TMEM183A: variants seen among roughly 807,000 people sequenced by gnomAD.
The protein encoded by TMEM183A is chromosome 1 open reading frame 37.
In TMEM183A, 21 loss-of-function variants were observed where a neutral mutation model predicts 46.7. The observed-to-expected ratio is 0.45, with a 90% CI of 0.32 to 0.65. The LOEUF is 0.65. TMEM183A is among the 30% of genes least tolerant of loss of function. The pLI is 0.04. For missense variants in TMEM183A, 331 were observed against 481.9 expected (o/e 0.69, Z 2.93); for synonymous variants, 165 against 180.2 (o/e 0.92, Z 0.68).
chr1:203,007,806 G>A lies in TMEM183A; in HGVS notation c.142G>A (p.Ala48Thr), dbSNP rs140775257. ...TVADYANSDP[A>T]VVRSGRVKKA... is the part of the protein sequence containing the mutation. ...GGCGGATTACGCCAACTCGGATCCG[G>A]CGGTCGTGAGGTCTGGACGAGTCAA... The change falls in exon 2 of 8, where the codon GCG (alanine) becomes ACG (threonine). Residue 48 changes from alanine (A) to threonine (T), a missense_variant. By Grantham distance (58) the Ala-to-Thr change is moderately conservative. Transcript: ENST00000367242. The A allele has an allele frequency of 6.0e-5, 97 of 1,614,030 alleles. No individual in the cohort carries two copies. In the African/African-American group the frequency reaches 1.1e-3, roughly 19 times the overall value.
chr1:203,012,235 T>TCTCACACACACA (rs370305350), intron 3 of TMEM183A, among the ~76,000 whole-genome samples: 3 of 80,790 alleles, frequency 3.7e-5, no homozygotes, highest in East Asian at 6.5e-4. Flanking sequence ...CCCCACTCCA[T>TCTCACACACACA]CACACACACA....
intron 6 of TMEM183A, 56 bp downstream of exon 6, chr1:203,018,617 A>T: frequency 6.4e-7 from 1 of 1,565,648 alleles, no homozygotes; most frequent in Non-Finnish European, 8.7e-7. Flanking sequence ...AGATTTCCCT[A>T]GATATCTTTC....
chr1:203,021,329 C>CT (rs1175413877), intron 7 of TMEM183A, among the ~76,000 whole-genome samples: 1 of 151,974 alleles, frequency 6.6e-6, no homozygotes, highest in Non-Finnish European at 1.5e-5. Context: ...CTGCATTCAG[C>CT]TTTTTTATAG....
At chr1:203,021,025 C>CTT (rs1353566056) in intron 7 of TMEM183A, 77 bp downstream of exon 7, 27 of 1,085,146 alleles carry the variant, frequency 2.5e-5, no homozygotes, top group South Asian at 2.4e-4. Flanking sequence ...TGAACCGCAG[C>CTT]TCTTTTTTTT....
chr1:203,018,010 C>G (rs1313106628), intron 5 of TMEM183A: 2 of 944,532 alleles, frequency 2.1e-6, no homozygotes, highest in South Asian at 4.9e-5. Flanking sequence ...TCTGTAGTTT[C>G]CTTACTGGCT....
At chr1:203,009,302 A>G (rs1656318381) in intron 3 of TMEM183A, among the ~76,000 whole-genome samples, 2 of 152,256 alleles carry the variant, frequency 1.3e-5, no homozygotes, top group Non-Finnish European at 2.9e-5. Context: ...ATGTCTAATA[A>G]GTATTGTGGG....
At chr1:203,016,899 GT>G (rs1657216414) in intron 5 of TMEM183A, among the ~76,000 whole-genome samples, 1 of 151,998 alleles carries the variant, frequency 6.6e-6, no homozygotes, top group Non-Finnish European at 1.5e-5. Context: ...GGCAAACAAG[GT>G]TACTCTGTTC....
chr1:203,007,682 C>G (rs1656090237), intron 1 of TMEM183A, 92 bp from the exon 2 acceptor site: 2 of 1,558,696 alleles, frequency 1.3e-6, no homozygotes, highest in South Asian at 1.2e-5. Context: ...GAGGGCGGCT[C>G]GGTCCGGGGG....
chr1:203,021,070 C>G, intron 7 of TMEM183A, 122 bp downstream of exon 7: 5 of 1,121,430 alleles, frequency 4.5e-6, no homozygotes, highest in Non-Finnish European at 6.0e-6. Flanking sequence ...CTCACTCTGT[C>G]ACTCAGGCTG....
rs1212238460 is a variant in TMEM183A at position 203,012,268 on chromosome 1, C to CACACACACACACACACAT, written c.368-2611_368-2610insACACACATACACACACAC. On this transcript the variant is annotated intron_variant, in intron 3 of 7. Transcript: ENST00000367242. The stretch of plus-strand genomic sequence containing the variant: ...ACACACACACACACACACACACACA[C>CACACACACACACACACAT]ACACACACACGGTTATTTTGAAACA... Among the ~76,000 whole-genome samples, 425 of 149,410 alleles carry CACACACACACACACACAT rather than the reference C, an allele frequency of 2.8e-3. 21 individuals carry two copies. Among genetic ancestry groups the CACACACACACACACACAT allele is most frequent in the Admixed American group, 0.025 (360 of 14,238 alleles).
intron 6 of TMEM183A, among the ~76,000 whole-genome samples, chr1:203,019,780 A>G (rs1657493010): frequency 6.6e-6 from 1 of 152,240 alleles, no homozygotes; most frequent in Admixed American, 6.5e-5. Flanking sequence ...AAATTATGCC[A>G]GAGGCACATA....
Position 203,013,268 on chromosome 1 carries a change from CT to C in TMEM183A, c.368-1618del, listed in dbSNP as rs1656848065. On this transcript the variant is annotated intron_variant, in intron 3 of 7. Transcript: ENST00000367242. The surrounding 1 kb of genome is among the most constrained non-coding windows in gnomAD (Gnocchi z 4.0). ...CAGTTAGCTAGAAAAGCGGGGGCAA[CT>C]TTGGGGAGATGGTGTAGGGGCTTTT... Among the ~76,000 whole-genome samples the C allele has an allele frequency of 6.6e-6, 1 of 152,138 alleles. No homozygotes were observed. Among genetic ancestry groups the C allele is most frequent in the South Asian group, 2.1e-4 (1 of 4,830 alleles).
chr1:203,008,914 GGAGA>G (rs1656277099), intron 3 of TMEM183A, 104 bp downstream of exon 3: 10 of 1,234,034 alleles, frequency 8.1e-6, no homozygotes, highest in Non-Finnish European at 8.4e-6. Context: ...CGTGATACCA[GGAGA>G]GTTTAAAGAA....
intron 3 of TMEM183A, 56 bp downstream of exon 3, chr1:203,008,866 G>T: frequency 6.8e-7 from 1 of 1,464,430 alleles, no homozygotes; most frequent in Non-Finnish European, 9.1e-7. Flanking sequence ...ACAAATTGAA[G>T]ATGTTACTTT....
At chr1:203,015,147 C>A in intron 4 of TMEM183A, 99 bp downstream of exon 4, 1 of 1,522,694 alleles carries the variant, frequency 6.6e-7, no homozygotes, top group Non-Finnish European at 8.8e-7. Flanking sequence ...TTTTCACTTT[C>A]TCTACTCCAT....
intron 4 of TMEM183A, 150 bp downstream of exon 4, chr1:203,015,198 CTAATT>C: frequency 9.0e-7 from 1 of 1,114,790 alleles, no homozygotes; most frequent in African/African-American, 1.6e-5. Context: ...GAGCCCCTCT[CTAATT>C]TAAATTTGAT....
intron 7 of TMEM183A, among the ~76,000 whole-genome samples, chr1:203,022,275 G>A (rs1657771924): frequency 6.6e-6 from 1 of 151,974 alleles, no homozygotes; most frequent in Non-Finnish European, 1.5e-5. Context: ...GTTTGCTCAG[G>A]CTGGTCTCAA....
At chr1:203,017,507 T>C (rs558676134) in intron 5 of TMEM183A, among the ~76,000 whole-genome samples, 1 of 152,306 alleles carries the variant, frequency 6.6e-6, no homozygotes, top group South Asian at 2.1e-4. Context: ...AAAGCCAAAG[T>C]AGAATGAAAA....
rs146489247 is a variant in TMEM183A, at chr1:203,007,621, C to T, written c.109+47C>T. 873 of 1,529,154 alleles carry T rather than the reference C, an allele frequency of 5.7e-4. No individual in the cohort carries two copies. In the African/African-American group the frequency reaches 0.01, roughly 18 times the overall value. 94.7% of individuals were successfully genotyped at this position (1,529,154 alleles called of 1,614,324 possible). Reference sequence around the variant, plus strand: ...GCTGAAACATTTTGGGGGCTGGCGGCTGGGAGGGGGCTGGACCGTGCCGAG... The same window carrying T: ...GCTGAAACATTTTGGGGGCTGGCGGTTGGGAGGGGGCTGGACCGTGCCGAG... On this transcript the variant is annotated intron_variant, in intron 1 of 7. Transcript: ENST00000367242.
Sources: allele counts gnomAD v4.1 joint callset (sites outside exome capture counted in the v4.1 genomes callset), GRCh38; gene constraint gnomAD v4.1.1; non-coding constraint Gnocchi (gnomAD v3.1); transcripts MANE v1.5; gene names NCBI Gene and HGNC (gene_info 2026-07-23, HGNC 2026-07-21).